The following GOLGA5 variants were observed in gnomAD, a reference collection of about 807,000 sequenced individuals.
The protein encoded by GOLGA5 is golgin subfamily A member 5.
Under a neutral mutation model 93.5 loss-of-function variants are expected in GOLGA5, and 50 were observed. The observed-to-expected ratio is 0.53, with a 90% CI of 0.43 to 0.68. The LOEUF is 0.68. Ranked by LOEUF, GOLGA5 falls within the 30% of genes least tolerant of loss-of-function variation. The probability of loss-of-function intolerance (pLI) is 0.00; values close to 1 mark genes in which losing one functional copy is unlikely to be tolerated. For missense variants in GOLGA5, 760 were observed against 856.4 expected, an observed-to-expected ratio of 0.89 and a Z score of 1.40; for synonymous variants, 312 against 304.5, an observed-to-expected ratio of 1.02 and a Z score of -0.26.
intron 2 of GOLGA5, among the ~76,000 whole-genome samples, chr14:92,801,266 C>CT (rs1382045582): frequency 6.6e-6 from 1 of 152,240 alleles, no homozygotes; most frequent in Non-Finnish European, 1.5e-5. Context: ...AATTTATACT[C>CT]TAACCAGCTA....
chr14:92,809,891 G>C (rs1013510202), intron 4 of GOLGA5, among the ~76,000 whole-genome samples: 2 of 152,220 alleles, frequency 1.3e-5, no homozygotes, highest in Non-Finnish European at 2.9e-5. Flanking sequence ...CCAGGAGGTG[G>C]AGGTTGCAGT....
chr14:92,839,304 A>C (rs1885711017), intron 12 of GOLGA5, 62 bp from the exon 13 acceptor site: 1 of 992,478 alleles, frequency 1.0e-6, no homozygotes, highest in East Asian at 2.4e-5. Context: ...CTCAGTGTAC[A>C]GTGGGCCTTT....
At chr14:92,804,015 T>C (rs1318177917) in intron 2 of GOLGA5, among the ~76,000 whole-genome samples, 1 of 152,188 alleles carries the variant, frequency 6.6e-6, no homozygotes, top group Admixed American at 6.5e-5. Context: ...TATGTTTATT[T>C]CCTCTTTTGT....
intron 12 of GOLGA5, among the ~76,000 whole-genome samples, chr14:92,837,798 G>T (rs943807257): frequency 6.6e-6 from 1 of 152,046 alleles, no homozygotes; most frequent in South Asian, 2.1e-4. Flanking sequence ...TTCTGGGCTC[G>T]AGTGATCCTC....
At chr14:92,807,841 C>T (rs1885021728) in intron 3 of GOLGA5, among the ~76,000 whole-genome samples, 1 of 151,926 alleles carries the variant, frequency 6.6e-6, no homozygotes, top group Admixed American at 6.5e-5. Context: ...AAAATTGCTG[C>T]CTTGGTTCCT....
intron 2 of GOLGA5, among the ~76,000 whole-genome samples, chr14:92,806,203 CTGTT>C (rs973686258): frequency 6.6e-6 from 1 of 152,180 alleles, no homozygotes; most frequent in Admixed American, 6.5e-5. Flanking sequence ...GTTGTACTGT[CTGTT>C]GTCATTCATT....
chr14:92,817,824 C>T (rs1414477044), intron 7 of GOLGA5, among the ~76,000 whole-genome samples: 3 of 152,200 alleles, frequency 2.0e-5, no homozygotes. Context: ...ACAGATGCTG[C>T]TTCCACAAGG....
At chr14:92,801,874 GT>G (rs1309584099) in intron 2 of GOLGA5, among the ~76,000 whole-genome samples, 4 of 151,732 alleles carry the variant, frequency 2.6e-5, no homozygotes, top group Admixed American at 1.3e-4. Context: ...ACTTAATTCT[GT>G]TTTATTGGTT....
At chr14:92,797,277 C>T in intron 1 of GOLGA5, 131 bp from the exon 2 acceptor site, 1 of 547,342 alleles carries the variant, frequency 1.8e-6, no homozygotes, top group Non-Finnish European at 3.2e-6. Flanking sequence ...GTAGTTTTCT[C>T]AAGGTTACCT....
intron 7 of GOLGA5, 101 bp downstream of exon 7, chr14:92,816,522 G>GCATCT (rs1885209246): frequency 1.4e-6 from 1 of 720,384 alleles, no homozygotes; most frequent in African/African-American, 2.6e-5. Flanking sequence ...TAGGTTTCTC[G>GCATCT]CTTCTCTTCG....
chr14:92,799,798 G>T (rs1884828977), intron 2 of GOLGA5, among the ~76,000 whole-genome samples: 1 of 150,596 alleles, frequency 6.6e-6, no homozygotes, highest in Admixed American at 6.6e-5. Context: ...GTAGAGATAG[G>T]GTTTCATCAC....
rs192105562 is a variant in GOLGA5 at position 92,794,834 on chromosome 14, G to A, written c.-31+378G>A. Among the ~76,000 whole-genome samples, 7 of 152,252 alleles carry A rather than the reference G, an allele frequency of 4.6e-5. No homozygotes were observed. In the East Asian group the frequency reaches 1.2e-3, roughly 25 times the overall value. ...CCAGCCTCCCTCCCTCTGTGCTGAC[G>A]CCTGGCCTTCGAAGCAGGCCCTGCC... On this transcript the variant is annotated intron_variant, in intron 1 of 12. Coordinates refer to ENST00000163416, the MANE Select transcript of GOLGA5 (RefSeq NM_005113.4).
At chr14:92,824,940 G>C (rs1050907540) in intron 9 of GOLGA5, among the ~76,000 whole-genome samples, 7 of 152,094 alleles carry the variant, frequency 4.6e-5, no homozygotes, top group African/African-American at 1.7e-4. Context: ...CTGATTGCCA[G>C]GTTCATAATT....
At chr14:92,808,835 T>G (rs1885046066) in intron 3 of GOLGA5, among the ~76,000 whole-genome samples, 1 of 152,246 alleles carries the variant, frequency 6.6e-6, no homozygotes, top group African/African-American at 2.4e-5. Context: ...AGCACTACTT[T>G]GCTCTTTTTG....
chr14:92,818,421 C>G (rs1885252089), intron 7 of GOLGA5, among the ~76,000 whole-genome samples: 1 of 152,160 alleles, frequency 6.6e-6, no homozygotes, highest in Admixed American at 6.5e-5. Context: ...TGCTGCAAGA[C>G]TAGTAAAGTG....
At chr14:92,811,841 G>T in intron 6 of GOLGA5, 87 bp downstream of exon 6, 1 of 948,868 alleles carries the variant, frequency 1.1e-6, no homozygotes. Context: ...TGTGTGAGGT[G>T]CTTTGTTCAT....
intron 2 of GOLGA5, among the ~76,000 whole-genome samples, chr14:92,801,953 G>C (rs1884882611): frequency 6.6e-6 from 1 of 152,148 alleles, no homozygotes; most frequent in South Asian, 2.1e-4. Flanking sequence ...CTTGATAACT[G>C]ATAGGGTAGC....
chr14:92,795,913 T>C (rs745467120), intron 1 of GOLGA5, among the ~76,000 whole-genome samples: 70 of 152,214 alleles, frequency 4.6e-4, no homozygotes, highest in Admixed American at 2.4e-3. Flanking sequence ...ACGTGCACAT[T>C]CTAGAAATGG....
chr14:92,814,334 A>G (rs999271057), intron 6 of GOLGA5, among the ~76,000 whole-genome samples: 6 of 152,166 alleles, frequency 3.9e-5, no homozygotes, highest in African/African-American at 1.4e-4. Context: ...CAATGAAGCC[A>G]AGCAGAGGGA....
Sources: allele counts gnomAD v4.1 joint callset (sites outside exome capture counted in the v4.1 genomes callset), GRCh38; gene constraint gnomAD v4.1.1; transcripts MANE v1.5; gene names NCBI Gene and HGNC (gene_info 2026-07-23, HGNC 2026-07-21).